The following DGKB variants were observed in gnomAD, a reference collection of about 807,000 sequenced individuals.
DGKB encodes the protein 90 kDa diacylglycerol kinase.
A neutral mutation model predicts 114.3 loss-of-function variants in DGKB; 67 were observed. The observed-to-expected ratio is 0.59, with a 90% CI of 0.48 to 0.72. The LOEUF (loss-of-function observed/expected upper bound fraction) is 0.72, where lower values mean the gene tolerates loss of function less well. DGKB is among the 30% of genes least tolerant of loss of function. DGKB has a pLI of 0.00. For synonymous variants in DGKB, 398 were observed against 323.1 expected, an observed-to-expected ratio of 1.23 and a Z score of -2.49; for missense variants, 907 against 975.2, an observed-to-expected ratio of 0.93 and a Z score of 0.93.
intron 1 of DGKB, among the ~76,000 whole-genome samples, chr7:14,892,731 A>G (rs1432028062): frequency 6.6e-6 from 1 of 151,144 alleles, no homozygotes; most frequent in African/African-American, 2.4e-5. Flanking sequence ...AAAATTTAAA[A>G]TCCAGAAATA....
At chr7:14,619,763 C>T (rs949841836) in intron 15 of DGKB, among the ~76,000 whole-genome samples, 2 of 151,582 alleles carry the variant, frequency 1.3e-5, no homozygotes, top group African/African-American at 4.8e-5. Flanking sequence ...TGAACATCAA[C>T]ATGATTTTGA....
chr7:14,319,194 G>A (rs998173370), intron 23 of DGKB, among the ~76,000 whole-genome samples: 8 of 151,232 alleles, frequency 5.3e-5, no homozygotes, highest in Non-Finnish European at 8.8e-5. Context: ...GCTAGATGAC[G>A]AGTTAGTGGG....
rs574757152 is a variant in DGKB at position 14,613,649 on chromosome 7, G to A, written c.1285-236C>T. Among the ~76,000 whole-genome samples, 6 of 152,030 alleles carry A rather than the reference G, an allele frequency of 3.9e-5. No homozygotes were observed. In the South Asian group the frequency reaches 1.2e-3, roughly 32 times the overall value. ...AGAAAGGCATGCCTATCTAGATAGA[G>A]GGCCGAGGGGAAGGCAGTCAGGAAG... On this transcript the variant is annotated intron_variant, in intron 15 of 25. Coordinates refer to ENST00000402815, the MANE Select transcript of DGKB (RefSeq NM_001350709.2).
intron 14 of DGKB, among the ~76,000 whole-genome samples, chr7:14,626,775 A>G (rs1203107892): frequency 2.0e-5 from 3 of 152,238 alleles, no homozygotes; most frequent in African/African-American, 7.2e-5. Flanking sequence ...GTTTTTAATT[A>G]TAAAGTTTTA....
At chr7:14,784,197 C>CT (rs1272230568) in intron 2 of DGKB, among the ~76,000 whole-genome samples, 2 of 151,712 alleles carry the variant, frequency 1.3e-5, no homozygotes, top group Admixed American at 1.3e-4. Context: ...AGCTGAAGCT[C>CT]TTTTTTGTTC....
intron 1 of DGKB, among the ~76,000 whole-genome samples, chr7:14,922,048 A>T (rs1255444884): frequency 1.3e-5 from 2 of 152,168 alleles, no homozygotes; most frequent in Non-Finnish European, 2.9e-5. Context: ...GAGATGCTAA[A>T]ATGATGACTT....
intron 21 of DGKB, among the ~76,000 whole-genome samples, chr7:14,390,780 T>C (rs1426200148): frequency 6.6e-6 from 1 of 152,188 alleles, no homozygotes; most frequent in African/African-American, 2.4e-5. Flanking sequence ...AAAGTAAAAT[T>C]ATCACAACAG....
At chr7:14,692,571 G>A (rs748502387) in intron 9 of DGKB, among the ~76,000 whole-genome samples, 1 of 151,480 alleles carries the variant, frequency 6.6e-6, no homozygotes, top group Non-Finnish European at 1.5e-5. Flanking sequence ...ATAATATAGA[G>A]CTAAATATGG....
At chr7:14,848,594 A>C (rs1484295072) in intron 1 of DGKB, among the ~76,000 whole-genome samples, 2 of 152,348 alleles carry the variant, frequency 1.3e-5, no homozygotes, top group Admixed American at 6.5e-5. Context: ...TATTCCCCTA[A>C]GCTCTGCTTC....
At chr7:14,533,914 A>G (rs1792002607) in intron 20 of DGKB, among the ~76,000 whole-genome samples, 2 of 152,062 alleles carry the variant, frequency 1.3e-5, no homozygotes, top group Admixed American at 1.3e-4. Context: ...AGTACTAAGG[A>G]AGTTCTTCAA....
intron 23 of DGKB, among the ~76,000 whole-genome samples, chr7:14,208,135 G>A (rs1486901248): frequency 6.6e-6 from 1 of 152,004 alleles, no homozygotes; most frequent in African/African-American, 2.4e-5. Context: ...ATAAGCACCT[G>A]TCTCTCCAGT....
chr7:14,190,371 A>G (rs1211246780), intron 23 of DGKB, among the ~76,000 whole-genome samples: 3 of 152,292 alleles, frequency 2.0e-5, no homozygotes, highest in African/African-American at 4.8e-5. Context: ...ACCAAAACCC[A>G]TGGGACACAA....
intron 23 of DGKB, among the ~76,000 whole-genome samples, chr7:14,224,184 G>A (rs1005674681): frequency 5.3e-5 from 8 of 151,700 alleles, no homozygotes; most frequent in African/African-American, 1.2e-4. Flanking sequence ...ATATTTCTCT[G>A]AGTAGCATTT....
In DGKB at chr7:14,192,008, T is replaced by C. The variant is rs533145863; in HGVS notation, c.2123-13857A>G. 8.5e-5 allele frequency: 45 copies of C among 529,370 alleles called. No homozygotes were observed. In the East Asian group the frequency reaches 2.6e-3, roughly 30 times the overall value. The allele number at this position is 529,370 out of a possible 1,614,324, so 32.8% of individuals were successfully genotyped here. A position where few individuals can be genotyped will look rare whatever the true frequency, so the allele number is the denominator to read the frequency against. ...TGGCAAGCTCCTGTGTTGAGAGCTT[T>C]TCTGACTATCCTCTGAGTCATTTTG... On this transcript the variant is annotated intron_variant, in intron 23 of 25. Transcript: ENST00000402815.
intron 23 of DGKB, among the ~76,000 whole-genome samples, chr7:14,319,313 G>T (rs1448203480): frequency 6.6e-6 from 1 of 151,684 alleles, no homozygotes; most frequent in Non-Finnish European, 1.5e-5. Flanking sequence ...TGCAATAAAT[G>T]GAATGTAGAA....
At chr7:14,289,091 T>A (rs1801336331) in intron 23 of DGKB, among the ~76,000 whole-genome samples, 1 of 152,318 alleles carries the variant, frequency 6.6e-6, no homozygotes, top group East Asian at 1.9e-4. Context: ...AGACATATTG[T>A]TTATTATAGA....
At chr7:14,829,727 A>G (rs1846162750) in intron 2 of DGKB, among the ~76,000 whole-genome samples, 1 of 152,160 alleles carries the variant, frequency 6.6e-6, no homozygotes, top group African/African-American at 2.4e-5. Flanking sequence ...AAATTAACAC[A>G]GAACTCTATG....
chr7:14,873,473 A>G (rs963156408), intron 1 of DGKB, among the ~76,000 whole-genome samples: 1 of 152,074 alleles, frequency 6.6e-6, no homozygotes, highest in African/African-American at 2.4e-5. Context: ...AGGCTGCTAT[A>G]AGTTTAGAAA....
At chr7:14,523,440 T>A (rs1397600151) in intron 20 of DGKB, among the ~76,000 whole-genome samples, 1 of 152,172 alleles carries the variant, frequency 6.6e-6, no homozygotes, top group Non-Finnish European at 1.5e-5. Context: ...AATAGGTCAG[T>A]GCTCTACATT....
Sources: gnomAD v4.1 joint callset for allele counts (sites outside exome capture counted in the v4.1 genomes callset) on GRCh38, gnomAD v4.1.1 for gene constraint, MANE v1.5 for transcripts, NCBI Gene and HGNC (gene_info 2026-07-23, HGNC 2026-07-21) for gene names.